The following PPP3CA variants were observed in gnomAD, a reference collection of about 807,000 sequenced individuals.
PPP3CA encodes the protein protein phosphatase 3 catalytic subunit alpha, also known as CAM-PRP catalytic subunit.
A neutral mutation model predicts 66.5 loss-of-function variants in PPP3CA; 14 were observed. The observed-to-expected ratio is 0.21, with a 90% confidence interval of 0.14 to 0.33. The LOEUF (loss-of-function observed/expected upper bound fraction) is 0.33, where lower values mean the gene tolerates loss of function less well. Among genes scored for constraint, PPP3CA ranks in the 10% least tolerant of loss-of-function variants. The pLI is 1.00. For missense variants in PPP3CA, 317 were observed against 639.5 expected (o/e 0.50, Z 5.44); for synonymous variants, 232 against 226.2 (o/e 1.03, Z -0.23).
chr4:101,035,816 T>C (rs1450239533), intron 11 of PPP3CA, among the ~76,000 whole-genome samples: 1 of 152,230 alleles, frequency 6.6e-6, no homozygotes, highest in Admixed American at 6.5e-5. Flanking sequence ...TCATTCAAAC[T>C]GATATCTCTG....
intron 6 of PPP3CA, among the ~76,000 whole-genome samples, chr4:101,093,086 G>A (rs930138063): frequency 2.2e-4 from 33 of 152,098 alleles, no homozygotes; most frequent in African/African-American, 5.3e-4. Context: ...GCGTAAAAGC[G>A]TTCCTATTTC....
At chr4:101,299,079 C>A (rs1482586192) in intron 1 of PPP3CA, among the ~76,000 whole-genome samples, 1 of 144,004 alleles carries the variant, frequency 6.9e-6, no homozygotes, top group Non-Finnish European at 1.5e-5. Context: ...AATTGATCTG[C>A]AATGTCAATA....
intron 11 of PPP3CA, among the ~76,000 whole-genome samples, chr4:101,033,303 C>A (rs1200527223): frequency 7.7e-6 from 1 of 130,414 alleles, no homozygotes; most frequent in Admixed American, 7.2e-5. Flanking sequence ...AACACACACA[C>A]ACACACACAC....
chr4:101,310,272 T>C (rs1340434147), intron 1 of PPP3CA, among the ~76,000 whole-genome samples: 1 of 152,222 alleles, frequency 6.6e-6, no homozygotes, highest in Non-Finnish European at 1.5e-5. Flanking sequence ...GATGGTTATG[T>C]TCTATCTTAA....
intron 2 of PPP3CA, among the ~76,000 whole-genome samples, chr4:101,119,877 G>A (rs931715360): frequency 6.6e-6 from 1 of 152,014 alleles, no homozygotes; most frequent in African/African-American, 2.4e-5. Flanking sequence ...AATGCCTTAA[G>A]CAAAGGAATG....
chr4:101,150,553 G>T (rs916625637), intron 2 of PPP3CA, among the ~76,000 whole-genome samples: 2 of 152,078 alleles, frequency 1.3e-5, no homozygotes, highest in African/African-American at 2.4e-5. Flanking sequence ...GTAATGATTG[G>T]TATCACTATT....
intron 2 of PPP3CA, among the ~76,000 whole-genome samples, chr4:101,165,929 G>A (rs1265194338): frequency 6.6e-6 from 1 of 152,048 alleles, no homozygotes; most frequent in Non-Finnish European, 1.5e-5. Flanking sequence ...ATACAGCAAT[G>A]GAATGATCAA....
chr4:101,324,139 G>A (rs957869646), intron 1 of PPP3CA, among the ~76,000 whole-genome samples: 2 of 122,842 alleles, frequency 1.6e-5, no homozygotes, highest in Admixed American at 8.3e-5. Flanking sequence ...AGGGAAGGAA[G>A]GGAAGGAAGG....
At chr4:101,111,794 T>C (rs1721679029) in intron 2 of PPP3CA, among the ~76,000 whole-genome samples, 1 of 152,186 alleles carries the variant, frequency 6.6e-6, no homozygotes, top group Non-Finnish European at 1.5e-5. Context: ...TGTGTTAATA[T>C]CGTAACAAGC....
chr4:101,115,537 T>C (rs543675860), intron 2 of PPP3CA, among the ~76,000 whole-genome samples: 15 of 152,102 alleles, frequency 9.9e-5, no homozygotes. Context: ...AGAATTATAT[T>C]GTTTCTAAGT....
chr4:101,121,322 C>G (rs1215854558), intron 2 of PPP3CA, among the ~76,000 whole-genome samples: 1 of 152,084 alleles, frequency 6.6e-6, no homozygotes, highest in Non-Finnish European at 1.5e-5. Context: ...TTTCTAGCTG[C>G]ATTACCTTAT....
At chr4:101,222,433 T>C (rs1725656022) in intron 1 of PPP3CA, among the ~76,000 whole-genome samples, 1 of 151,620 alleles carries the variant, frequency 6.6e-6, no homozygotes, top group Non-Finnish European at 1.5e-5. Flanking sequence ...TTGTTCTTTT[T>C]AGCCATTGTT....
At chr4:101,172,172 C>A (rs1225736197) in intron 2 of PPP3CA, among the ~76,000 whole-genome samples, 2 of 152,052 alleles carry the variant, frequency 1.3e-5, no homozygotes, top group African/African-American at 4.8e-5. Flanking sequence ...GTATTATTAT[C>A]CTATTGTAAG....
At chr4:101,274,750 G>A (rs1250443518) in intron 1 of PPP3CA, among the ~76,000 whole-genome samples, 1 of 151,912 alleles carries the variant, frequency 6.6e-6, no homozygotes, top group Admixed American at 6.6e-5. Context: ...TGCCTTTAAA[G>A]AAAGCTTTCC....
chr4:101,240,164 T>C (rs1456574967), intron 1 of PPP3CA, among the ~76,000 whole-genome samples: 1 of 151,986 alleles, frequency 6.6e-6, no homozygotes, highest in African/African-American at 2.4e-5. Flanking sequence ...TGAACGCATT[T>C]CTAAAAGTGA....
rs55925064 is a variant in PPP3CA at position 101,204,635 on chromosome 4, CAAAAAA to C, written c.59-8525_59-8520del. 9.6e-4 allele frequency among the ~76,000 whole-genome samples: 103 copies of C among 107,818 alleles called. No homozygotes were observed. In the East Asian group the frequency reaches 0.026, roughly 28 times the overall value. 70.7% of individuals were successfully genotyped at this position (107,818 alleles called of 152,430 possible). A position where few individuals can be genotyped will look rare whatever the true frequency, so the allele number is the denominator to read the frequency against. The stretch of plus-strand genomic sequence containing the variant: ...TGGGCGACAGAGCAGGACTCCATCT[CAAAAAA>C]AAAAAAAAAAAAAAAAAAGTTATAC... On this transcript the variant is annotated intron_variant, in intron 1 of 13. Coordinates refer to ENST00000394854, the MANE Select transcript of PPP3CA (RefSeq NM_000944.5).
intron 3 of PPP3CA, among the ~76,000 whole-genome samples, chr4:101,102,278 AAGGGAGGGAGAG>A (rs1193516264): frequency 3.4e-5 from 5 of 149,208 alleles, no homozygotes; most frequent in Non-Finnish European, 5.9e-5. Context: ...GGGAGGGAGG[AAGGGAGGGAGAG>A]AGGGAGGGGA....
intron 2 of PPP3CA, among the ~76,000 whole-genome samples, chr4:101,135,860 C>A (rs922660006): frequency 6.6e-6 from 1 of 152,146 alleles, no homozygotes; most frequent in African/African-American, 2.4e-5. Context: ...TCTCTCCACT[C>A]ATGGCAACTT....
chr4:101,166,072 A>C (rs1723685337), intron 2 of PPP3CA, among the ~76,000 whole-genome samples: 1 of 152,186 alleles, frequency 6.6e-6, no homozygotes, highest in Non-Finnish European at 1.5e-5. Flanking sequence ...ATAAACTTGA[A>C]TTTGCATGCA....
Sources: allele counts gnomAD v4.1 joint callset (sites outside exome capture counted in the v4.1 genomes callset), GRCh38; gene constraint gnomAD v4.1.1; transcripts MANE v1.5; gene names NCBI Gene and HGNC (gene_info 2026-07-23, HGNC 2026-07-21).